RBFOX1: variants seen among roughly 807,000 people sequenced by gnomAD.
RBFOX1 encodes RNA binding protein fox-1 homolog 1.
RBFOX1 carries 8 observed loss-of-function variants against 57.7 expected under a neutral mutation model. That is an observed-to-expected ratio of 0.14 (90% CI 0.08 to 0.25). RBFOX1 has a LOEUF of 0.25. Ranked by LOEUF, RBFOX1 falls within the 10% of genes least tolerant of loss-of-function variation. The pLI, the probability that RBFOX1 is intolerant of heterozygous loss-of-function variation, is 1.00. For missense variants in RBFOX1, 611 were observed against 548.5 expected (o/e 1.11, Z -1.14); for synonymous variants, 326 against 222.4 (o/e 1.47, Z -4.15).
At chr16:5,267,845 G>T (rs917312445) in intron 1 of RBFOX1, among the ~76,000 whole-genome samples, 1 of 152,130 alleles carries the variant, frequency 6.6e-6, no homozygotes, top group African/African-American at 2.4e-5. Context: ...ACTTTGGGAG[G>T]CCAAGGCAGG....
chr16:7,354,836 T>C (rs1015410495), intron 4 of RBFOX1, among the ~76,000 whole-genome samples: 1 of 152,208 alleles, frequency 6.6e-6, no homozygotes, highest in South Asian at 2.1e-4. Context: ...CTAGACAGTA[T>C]GATATAGGAC....
intron 1 of RBFOX1, among the ~76,000 whole-genome samples, chr16:5,451,902 C>G (rs576412592): frequency 1.3e-5 from 2 of 152,244 alleles, no homozygotes; most frequent in East Asian, 3.9e-4. Flanking sequence ...CCTACCTTCC[C>G]TACCTCTGGG....
At chr16:6,705,967 A>G (rs1603447562) in intron 3 of RBFOX1, among the ~76,000 whole-genome samples, 1 of 152,132 alleles carries the variant, frequency 6.6e-6, no homozygotes, top group East Asian at 1.9e-4. Flanking sequence ...ACAGTGAGTT[A>G]AGATGGTGCC....
At chr16:7,490,223 T>C (rs1457931792) in intron 4 of RBFOX1, among the ~76,000 whole-genome samples, 1 of 152,196 alleles carries the variant, frequency 6.6e-6, no homozygotes, top group Non-Finnish European at 1.5e-5. Context: ...GCTTTTCTCA[T>C]TACTGAGAAA....
At chr16:5,275,335 A>G (rs1188125760) in intron 1 of RBFOX1, among the ~76,000 whole-genome samples, 3 of 152,238 alleles carry the variant, frequency 2.0e-5, no homozygotes, top group Non-Finnish European at 4.4e-5. Flanking sequence ...TTAAAAATAT[A>G]CAATAAATTC....
chr16:7,116,568 T>G (rs1055659234), intron 4 of RBFOX1, among the ~76,000 whole-genome samples: 1 of 152,166 alleles, frequency 6.6e-6, no homozygotes, highest in Non-Finnish European at 1.5e-5. Flanking sequence ...ATGAGTCCAT[T>G]AAAGCTTAAA....
At chr16:5,532,895 A>G (rs996371008) in intron 2 of RBFOX1, among the ~76,000 whole-genome samples, 1 of 152,190 alleles carries the variant, frequency 6.6e-6, no homozygotes, top group Non-Finnish European at 1.5e-5. Flanking sequence ...GGAGACCCTG[A>G]TGGAGATGGC....
chr16:7,218,598 G>A (rs1348114588), intron 4 of RBFOX1, among the ~76,000 whole-genome samples: 1 of 150,030 alleles, frequency 6.7e-6, no homozygotes, highest in African/African-American at 2.5e-5. Flanking sequence ...ACCAGAAGAC[G>A]TGATTTGACT....
intron 3 of RBFOX1, among the ~76,000 whole-genome samples, chr16:6,749,332 C>G (rs910305215): frequency 2.6e-5 from 4 of 152,196 alleles, no homozygotes; most frequent in Admixed American, 1.3e-4. Context: ...AGGACGCATT[C>G]CACACAGCGC....
chr16:6,139,543 G>C (rs1485621131), intron 1 of RBFOX1, among the ~76,000 whole-genome samples: 1 of 152,136 alleles, frequency 6.6e-6, no homozygotes, highest in Non-Finnish European at 1.5e-5. Context: ...GAGCCCACTG[G>C]TCTCAGGCTC....
chr16:5,387,453 A>T (rs770461971), intron 1 of RBFOX1, among the ~76,000 whole-genome samples: 23 of 152,194 alleles, frequency 1.5e-4, no homozygotes, highest in African/African-American at 5.1e-4. Flanking sequence ...CCTTTGAGGG[A>T]CATTGTCATG....
At chr16:7,520,068 G>C (rs1413840671) in intron 5 of RBFOX1, among the ~76,000 whole-genome samples, 1 of 151,938 alleles carries the variant, frequency 6.6e-6, no homozygotes, top group East Asian at 1.9e-4. Context: ...TGTATTTTTG[G>C]TAGAGACGGG....
intron 3 of RBFOX1, among the ~76,000 whole-genome samples, chr16:5,719,295 T>C (rs1459488613): frequency 6.8e-6 from 1 of 147,074 alleles, no homozygotes; most frequent in African/African-American, 2.5e-5. Flanking sequence ...TCCGCCCCCC[T>C]GGTTCACGCC....
intron 1 of RBFOX1, among the ~76,000 whole-genome samples, chr16:5,456,938 A>T (rs181791794): frequency 6.6e-6 from 1 of 152,136 alleles, no homozygotes; most frequent in South Asian, 2.1e-4. Context: ...CCTTTATCTT[A>T]GTCCGTTTGG....
chr16:6,871,804 G>T (rs1345386576), intron 3 of RBFOX1, among the ~76,000 whole-genome samples: 3 of 152,110 alleles, frequency 2.0e-5, no homozygotes, highest in African/African-American at 7.2e-5. Flanking sequence ...GTCTGGAAAT[G>T]TTGTCAGTGG....
At chr16:5,982,014 G>C (rs2060184448) in intron 4 of RBFOX1, among the ~76,000 whole-genome samples, 1 of 152,176 alleles carries the variant, frequency 6.6e-6, no homozygotes, top group African/African-American at 2.4e-5. Flanking sequence ...TATCCAAGGA[G>C]TCTATGCAGA....
chr16:5,417,651 G>C (rs1435125927), intron 1 of RBFOX1, among the ~76,000 whole-genome samples: 1 of 152,220 alleles, frequency 6.6e-6, no homozygotes, highest in Non-Finnish European at 1.5e-5. Flanking sequence ...TTTCAGGTTG[G>C]ATCTGGGGAA....
At chr16:6,831,840 A>G (rs960605304) in intron 3 of RBFOX1, among the ~76,000 whole-genome samples, 4 of 152,338 alleles carry the variant, frequency 2.6e-5, no homozygotes, top group Admixed American at 6.5e-5. Context: ...GATTATCTCC[A>G]GCTGTGAATG....
At chr16:5,541,930 G>T (rs1400118399) in intron 2 of RBFOX1, among the ~76,000 whole-genome samples, 1 of 152,098 alleles carries the variant, frequency 6.6e-6, no homozygotes. Context: ...GGAACAGGTG[G>T]TTTTTAGTTA....
Sources: allele counts gnomAD v4.1 joint callset (sites outside exome capture counted in the v4.1 genomes callset), GRCh38; gene constraint gnomAD v4.1.1; transcripts MANE v1.5; gene names NCBI Gene and HGNC (gene_info 2026-07-23, HGNC 2026-07-21).